CTNND1: variants seen among roughly 807,000 people sequenced by gnomAD.
The protein encoded by CTNND1 is catenin delta-1.
Under a neutral mutation model 112.1 loss-of-function variants are expected in CTNND1, and 16 were observed. That is an observed-to-expected ratio of 0.14 (90% CI 0.10 to 0.22). The LOEUF (loss-of-function observed/expected upper bound fraction) is 0.22, where lower values mean the gene tolerates loss of function less well. Among genes scored for constraint, CTNND1 ranks in the 10% least tolerant of loss-of-function variants. CTNND1 has a pLI of 1.00. For synonymous variants in CTNND1, 420 were observed against 446.5 expected (o/e 0.94, Z 0.75); for missense variants, 1,008 against 1,257.0 (o/e 0.80, Z 3.00).
chr11:57,780,055 A>G (rs1565297016), intron 1 of CTNND1, among the ~76,000 whole-genome samples: 5 of 35,460 alleles, frequency 1.4e-4, no homozygotes, highest in Non-Finnish European at 3.9e-4. Context: ...AACTAGAATG[A>G]CTTTTTTTTT....
chr11:57,769,647 CT>C (rs1243370593), intron 1 of CTNND1, among the ~76,000 whole-genome samples: 1 of 151,778 alleles, frequency 6.6e-6, no homozygotes, highest in Non-Finnish European at 1.5e-5. Flanking sequence ...GTTGGGTTTC[CT>C]TTTTTTCCCT....
In CTNND1 at chr11:57,819,389, T is replaced by C. The variant is rs1454206629; in HGVS notation, c.*3081T>C. 6.6e-6 allele frequency: 1 copy of C among 152,276 alleles called. No homozygotes were observed. Among genetic ancestry groups the C allele is most frequent in the Non-Finnish European group, 1.5e-5 (1 of 68,046 alleles). 9.4% of individuals were successfully genotyped at this position (152,276 alleles called of 1,614,324 possible). On this transcript the variant is annotated 3_prime_UTR_variant, in exon 21 of 21. Coordinates refer to ENST00000399050, the MANE Select transcript of CTNND1 (RefSeq NM_001085458.2). The stretch of plus-strand genomic sequence containing the variant: ...AGCCCTGCTTGAGATGATTTTTATC[T>C]AAATAGAAAAGCCTGGCTGCTTGTC...
intron 7 of CTNND1, among the ~76,000 whole-genome samples, chr11:57,802,818 A>G (rs1237911151): frequency 6.6e-6 from 1 of 152,248 alleles, no homozygotes; most frequent in East Asian, 1.9e-4. Context: ...GGAATAAAGA[A>G]AAAGTAGTAT....
chr11:57,803,822 G>T lies in CTNND1; in HGVS notation c.1604+18G>T. On this transcript the variant is annotated intron_variant, in intron 8 of 20. Transcript: ENST00000399050. ...TGCCTTAGGTAACAGTAGGGACTTTGAGAATATGAAGATGAATTTTTGAGG... is the reference window on the plus strand; with the variant it reads ...TGCCTTAGGTAACAGTAGGGACTTTTAGAATATGAAGATGAATTTTTGAGG... 1 of 1,520,774 alleles carries T rather than the reference G, an allele frequency of 6.6e-7. No individual in the cohort carries two copies. Among genetic ancestry groups the T allele is most frequent in the South Asian group, 1.3e-5 (1 of 77,728 alleles). 94.2% of individuals were successfully genotyped at this position (1,520,774 alleles called of 1,614,324 possible).
chr11:57,806,575 G>T (rs2062696678), intron 11 of CTNND1, 97 bp downstream of exon 11: 2 of 1,148,828 alleles, frequency 1.7e-6, no homozygotes, highest in South Asian at 1.4e-5. Context: ...CCCTGTCTAT[G>T]CATGTAGGAA....
In CTNND1 at chr11:57,788,268, G is replaced by T. The variant is rs1201010961; in HGVS notation, c.-213-769G>T. On this transcript the variant is annotated intron_variant, in intron 1 of 20. Transcript: ENST00000399050. The surrounding 1 kb of genome is among the most constrained non-coding windows in gnomAD (Gnocchi z 4.1). ...TTCAAGAAAGACCTTTGAGTGGCCT[G>T]TTGGAATGTAGGGTGGGAATATGAG... is the stretch of plus-strand genomic sequence containing the variant. 6.6e-6 allele frequency among the ~76,000 whole-genome samples: 1 copy of T among 152,150 alleles called. No individual in the cohort carries two copies. The highest frequency in any genetic ancestry group is 1.5e-5 in the Non-Finnish European group (1 of 68,034).
chr11:57,772,871 C>G (rs539725818), intron 1 of CTNND1, among the ~76,000 whole-genome samples: 1 of 151,958 alleles, frequency 6.6e-6, no homozygotes, highest in African/African-American at 2.4e-5. Flanking sequence ...TTCTCTCACC[C>G]GTCTCCTCCT....
Position 57,789,085 on chromosome 11 carries a change from C to T in CTNND1, c.-165C>T. 6.5e-7 allele frequency: 1 copy of T among 1,535,732 alleles called. No homozygotes were observed. Among genetic ancestry groups the T allele is most frequent in the South Asian group, 1.2e-5 (1 of 84,062 alleles). ...TGCTGTGGTGGCTGGGATGCTTCTT[C>T]CATGATTTTTTGAATCTAGACTGGG... On this transcript the variant is annotated 5_prime_UTR_variant, in exon 2 of 21. Coordinates refer to ENST00000399050, the MANE Select transcript of CTNND1 (RefSeq NM_001085458.2).
At position 57,797,387 on chromosome 11, in the gene CTNND1, C is replaced by T. The variant is rs570801410; in HGVS notation, c.956+395C>T. Reference sequence around the variant, plus strand: ...TTGGGACTACAGGCAAGCACCATCACGCCTGGCTAATTTTTATATTTTTAG... The same window carrying T: ...TTGGGACTACAGGCAAGCACCATCATGCCTGGCTAATTTTTATATTTTTAG... On this transcript the variant is annotated intron_variant, in intron 6 of 20. Transcript: ENST00000399050. Among the ~76,000 whole-genome samples the T allele has an allele frequency of 3.6e-4, 53 of 148,240 alleles. 1 individual carries two copies. In the South Asian group the frequency reaches 9.1e-3, roughly 26 times the overall value.
chr11:57,812,315 T>A (rs977708145), intron 17 of CTNND1, among the ~76,000 whole-genome samples: 1 of 151,004 alleles, frequency 6.6e-6, no homozygotes, highest in African/African-American at 2.4e-5. Context: ...AGGTCAGGAG[T>A]TCAAGATCAG....
chr11:57,771,067 A>C (rs1360795735), intron 1 of CTNND1, among the ~76,000 whole-genome samples: 1 of 152,108 alleles, frequency 6.6e-6, no homozygotes, highest in African/African-American at 2.4e-5. Context: ...AAGACTACCT[A>C]GGCCTCTTCA....
At chr11:57,766,892 C>A (rs886716540) in intron 1 of CTNND1, among the ~76,000 whole-genome samples, 1 of 151,924 alleles carries the variant, frequency 6.6e-6, no homozygotes, top group Non-Finnish European at 1.5e-5. Context: ...CCAGTGAGCC[C>A]TTCAGTTTGA....
At chr11:57,810,593 AG>A (rs1199366757) in intron 16 of CTNND1, among the ~76,000 whole-genome samples, 2 of 151,954 alleles carry the variant, frequency 1.3e-5, no homozygotes, top group African/African-American at 4.8e-5. Flanking sequence ...CCAAAGTGCT[AG>A]GATTACAGGC....
rs1217858549 is a variant in CTNND1, at chr11:57,796,854, A to G, written c.818A>G (p.His273Arg). ...VRVGGSSVDL[H>R]RFHPEPYGLE... The stretch of plus-strand genomic sequence containing the variant: ...GTAGGTGGGAGCAGCGTGGATCTGC[A>G]TCGCTTTCATCCAGAGCCTTATGGG... Residue 273 changes from histidine (H) to arginine (R), a missense_variant, in exon 6 of 21, where the codon CAT (histidine) becomes CGT (arginine). By Grantham distance (29) the His-to-Arg change is conservative (BLOSUM62 0). Around this residue, in one of 5 missense-constraint regions of CTNND1, gnomAD observed 404 missense variants for 457.9 expected, o/e 0.88. Coordinates refer to ENST00000399050, the MANE Select transcript of CTNND1 (RefSeq NM_001085458.2). 1.9e-6 allele frequency: 3 copies of G among 1,611,874 alleles called. No homozygotes were observed. The highest frequency in any genetic ancestry group is 2.5e-6 in the Non-Finnish European group (3 of 1,178,488).
At chr11:57,766,366 T>C (rs1247886719) in intron 1 of CTNND1, among the ~76,000 whole-genome samples, 1 of 152,210 alleles carries the variant, frequency 6.6e-6, no homozygotes, top group Non-Finnish European at 1.5e-5. Flanking sequence ...ATTTTTTAAA[T>C]CACTGTTTTA....
intron 6 of CTNND1, among the ~76,000 whole-genome samples, chr11:57,797,306 C>G (rs2061444971): frequency 6.7e-6 from 1 of 149,114 alleles, no homozygotes; most frequent in Non-Finnish European, 1.5e-5. Flanking sequence ...TCTTGGCTCA[C>G]TGCCACCTCC....
intron 10 of CTNND1, 98 bp from the exon 11 acceptor site, chr11:57,806,363 C>G (rs1335200218): frequency 8.8e-7 from 1 of 1,140,632 alleles, no homozygotes; most frequent in Non-Finnish European, 1.3e-6. Flanking sequence ...TCTGTGCTTC[C>G]CTGCTTATTT....
chr11:57,782,926 G>A (rs1315857089), intron 1 of CTNND1, among the ~76,000 whole-genome samples: 1 of 152,186 alleles, frequency 6.6e-6, no homozygotes, highest in Admixed American at 6.6e-5. Context: ...TCAGGGACTT[G>A]GAATTAACAG....
intron 1 of CTNND1, among the ~76,000 whole-genome samples, chr11:57,767,977 G>A (rs1447139204): frequency 6.6e-6 from 1 of 151,872 alleles, no homozygotes; most frequent in Admixed American, 6.6e-5. Context: ...GGGACTACAG[G>A]TGCCCGCCAC....
Sources: allele counts gnomAD v4.1 joint callset (sites outside exome capture counted in the v4.1 genomes callset), GRCh38; gene constraint gnomAD v4.1.1; regional missense constraint gnomAD v4.1.1; non-coding constraint Gnocchi (gnomAD v3.1); transcripts MANE v1.5; gene names NCBI Gene and HGNC (gene_info 2026-07-23, HGNC 2026-07-21).